Variants in CMPK2 observed in about 807,000 individuals in gnomAD.
The protein encoded by CMPK2 is UMP-CMP kinase 2, mitochondrial.
CMPK2 carries 32 observed loss-of-function variants against 33.4 expected under a neutral mutation model. The ratio of observed to expected loss-of-function variants is 0.96; its 90% confidence interval spans 0.72 to 1.29. CMPK2 has a LOEUF of 1.29. Ranked by LOEUF, CMPK2 falls within the 50% of genes most tolerant of loss-of-function variation. The pLI is 0.00. For missense variants in CMPK2, 672 were observed against 616.0 expected (o/e 1.09, Z -0.96); for synonymous variants, 299 against 275.3 (o/e 1.09, Z -0.85).
At chr2:6,851,334 T>C (rs1662515081) in intron 4 of CMPK2, 116 bp downstream of exon 4, 1 of 1,520,436 alleles carries the variant, frequency 6.6e-7, no homozygotes, top group Non-Finnish European at 8.8e-7. Context: ...ATGTTGTCTC[T>C]TGTGTTTGAA....
downstream of CMPK2, chr2:6,848,258 A>T (rs1662413340): frequency 1.4e-6 from 1 of 740,370 alleles, no homozygotes; most frequent in Non-Finnish European, 1.6e-6. Context: ...ACAATATTAA[A>T]AGGGGAATCT....
downstream of CMPK2, among the ~76,000 whole-genome samples, chr2:6,843,857 C>A (rs1572129737): frequency 6.6e-6 from 1 of 152,220 alleles, no homozygotes; most frequent in African/African-American, 2.4e-5. Flanking sequence ...GAGAGGCTGG[C>A]TCTGGTGTCC....
chr2:6,865,358 G>A lies in CMPK2; in HGVS notation c.339C>T (p.Leu113=). The part of the protein sequence containing the change: ...RRGPFQRCQL[L]RLLCYCPGGQ... ...CGCCCGGGCAGTAGCAGAGCAGCCTGAGCAGCTGGCACCGCTGGAAGGGGC... is the reference window on the plus strand; with the variant it reads ...CGCCCGGGCAGTAGCAGAGCAGCCTAAGCAGCTGGCACCGCTGGAAGGGGC... Residue 113 remains leucine, a synonymous_variant, in exon 1 of 5, where the codon CTC becomes CTT. Transcript: ENST00000256722. 1 of 1,437,204 alleles carries A rather than the reference G, an allele frequency of 7.0e-7. No individual in the cohort carries two copies. The highest frequency in any genetic ancestry group is 9.1e-7 in the Non-Finnish European group (1 of 1,104,088). 89.0% of individuals were successfully genotyped at this position (1,437,204 alleles called of 1,614,324 possible).
intron 3 of CMPK2, among the ~76,000 whole-genome samples, chr2:6,857,576 C>T (rs1662749005): frequency 6.6e-6 from 1 of 151,866 alleles, no homozygotes; most frequent in Non-Finnish European, 1.5e-5. Context: ...CCTCAGCCTT[C>T]CAAAGTGCTT....
chr2:6,863,331 A>C (rs971819278), intron 2 of CMPK2, 133 bp downstream of exon 2: 3 of 692,298 alleles, frequency 4.3e-6, no homozygotes. Flanking sequence ...GGGCCTGCCT[A>C]GCACAGGGCC....
rs760895486 is a variant in CMPK2 at position 6,865,222 on chromosome 2, G to T, written c.475C>A (p.Pro159Thr). 6 of 1,535,856 alleles carry T rather than the reference G, an allele frequency of 3.9e-6. No individual in the cohort carries two copies. The highest frequency in any genetic ancestry group is 1.7e-6 in the Non-Finnish European group (2 of 1,146,888). ...LLGACQEAPR[P>T]HLGEFEADPR... ...TCGGCCTCGAACTCGCCCAAGTGCG[G>T]GCGTGGTGCCTCCTGACAGGCGCCC... Residue 159 changes from proline (P) to threonine (T), a missense_variant, in exon 1 of 5, where the codon CCG becomes ACG. Coordinates refer to ENST00000256722, the MANE Select transcript of CMPK2 (RefSeq NM_207315.4).
Position 6,849,798 on chromosome 2 carries a change from G to C in CMPK2, c.*52C>G. Reference sequence around the variant, plus strand: ...CACTGCATAACAAATGGTGGATGTAGATGTTTCAAACAACATCTAATCTAG... The same window carrying C: ...CACTGCATAACAAATGGTGGATGTACATGTTTCAAACAACATCTAATCTAG... On this transcript the variant is annotated 3_prime_UTR_variant, in exon 5 of 5. Transcript: ENST00000256722. 1 of 1,609,368 alleles carries C rather than the reference G, an allele frequency of 6.2e-7. No individual in the cohort carries two copies. The highest frequency in any genetic ancestry group is 1.7e-5 in the Admixed American group (1 of 59,124).
chr2:6,850,578 G>T, intron 4 of CMPK2: 1 of 242,752 alleles, frequency 4.1e-6, no homozygotes, highest in Non-Finnish European at 6.6e-6. Flanking sequence ...CTAGCCAAGT[G>T]AATTGGTCAA....
Position 6,863,591 on chromosome 2 carries a change from G to A in CMPK2, c.676-13C>T, listed in dbSNP as rs772578804. ...TAAAGGAGGTACACTGTAAAACAACGTCTATCCATCAGCAATGAAGCCAGG... is the reference window on the plus strand; with the variant it reads ...TAAAGGAGGTACACTGTAAAACAACATCTATCCATCAGCAATGAAGCCAGG... On this transcript the variant is annotated splice_polypyrimidine_tract_variant and intron_variant, in intron 1 of 4. Transcript: ENST00000256722. 39 of 1,600,176 alleles carry A rather than the reference G, an allele frequency of 2.4e-5. No individual in the cohort carries two copies. Among genetic ancestry groups the A allele is most frequent in the Middle Eastern group, 1.7e-4 (1 of 6,052 alleles).
downstream of CMPK2, among the ~76,000 whole-genome samples, chr2:6,845,046 G>A (rs912214607): frequency 1.3e-5 from 2 of 152,164 alleles, no homozygotes; most frequent in African/African-American, 2.4e-5. Context: ...AGGCTTGTCT[G>A]ACATGGCTGC....
chr2:6,848,930 T>C lies in CMPK2; in HGVS notation c.*920A>G. 1.0e-6 allele frequency: 1 copy of C among 985,860 alleles called. No homozygotes were observed. The highest frequency in any genetic ancestry group is 1.2e-6 in the Non-Finnish European group (1 of 829,898). The allele number at this position is 985,860 out of a possible 1,614,324, so 61.1% of individuals were successfully genotyped here. The stretch of plus-strand genomic sequence containing the variant: ...AACAAGACAAATTAAGTTTGTGTAA[T>C]GAAAATACACAACAAACATTGCATT... On this transcript the variant is annotated 3_prime_UTR_variant, in exon 5 of 5. Coordinates refer to ENST00000256722, the MANE Select transcript of CMPK2 (RefSeq NM_207315.4).
chr2:6,845,010 T>A (rs1662322949), downstream of CMPK2, among the ~76,000 whole-genome samples: 1 of 152,156 alleles, frequency 6.6e-6, no homozygotes, highest in African/African-American at 2.4e-5. Flanking sequence ...GGTTTGACTC[T>A]CTGATTTTGG....
intron 3 of CMPK2, 120 bp downstream of exon 3, chr2:6,861,064 A>G (rs1225197485): frequency 2.5e-6 from 2 of 814,442 alleles, no homozygotes; most frequent in African/African-American, 1.8e-5. Context: ...CTTAAACACA[A>G]TTTTTTTCCT....
chr2:6,858,440 T>C (rs1662780071), intron 3 of CMPK2, among the ~76,000 whole-genome samples: 1 of 152,194 alleles, frequency 6.6e-6, no homozygotes, highest in Non-Finnish European at 1.5e-5. Context: ...TCCATGAAAA[T>C]AGGGACTTAT....
intron 2 of CMPK2, among the ~76,000 whole-genome samples, chr2:6,861,695 A>G (rs1052562442): frequency 6.6e-6 from 1 of 152,176 alleles, no homozygotes; most frequent in Non-Finnish European, 1.5e-5. Flanking sequence ...TCCCCCACCC[A>G]GAAGACTTTC....
chr2:6,866,066 C>T (rs1411019919), upstream of CMPK2: 1 of 282,294 alleles, frequency 3.5e-6, no homozygotes. Flanking sequence ...GTGCGTTCTG[C>T]GGGTGGCTGG....
Position 6,861,370 on chromosome 2 carries a change from G to A in CMPK2, c.806C>T (p.Thr269Ile), listed in dbSNP as rs779294914. 3.1e-6 allele frequency: 5 copies of A among 1,613,966 alleles called. No homozygotes were observed. Among genetic ancestry groups the A allele is most frequent in the Non-Finnish European group, 4.2e-6 (5 of 1,179,994 alleles). ...CTTAAGTGAATCTGCCACTGACTGG[G>A]TCACCGTGGTTTTACCTGCAGGTCA... is the stretch of plus-strand genomic sequence containing the variant. ...GLDATGKTTV[T>I]QSVADSLKAV... Residue 269 changes from threonine to isoleucine, a missense_variant, in exon 3 of 5, where the codon ACC becomes ATC. Coordinates refer to ENST00000256722, the MANE Select transcript of CMPK2 (RefSeq NM_207315.4).
intron 4 of CMPK2, chr2:6,851,146 T>C (rs549676289): frequency 1.6e-6 from 2 of 1,218,292 alleles, no homozygotes; most frequent in Non-Finnish European, 2.1e-6. Context: ...GATTATACTA[T>C]GACTGGGGAA....
At chr2:6,858,145 A>T (rs1033703452) in intron 3 of CMPK2, among the ~76,000 whole-genome samples, 8 of 151,982 alleles carry the variant, frequency 5.3e-5, no homozygotes, top group Non-Finnish European at 1.2e-4. Context: ...TTTCAGTCTT[A>T]GCTTCATTCT....
Sources: allele counts gnomAD v4.1 joint callset (sites outside exome capture counted in the v4.1 genomes callset), GRCh38; gene constraint gnomAD v4.1.1; transcripts MANE v1.5; gene names NCBI Gene and HGNC (gene_info 2026-07-23, HGNC 2026-07-21).